The following NARS2 variants were observed in gnomAD, a reference collection of about 807,000 sequenced individuals.
NARS2 encodes asparaginyl-tRNA synthetase 2, mitochondrial, also known as asparaginyl-tRNA synthetase.
NARS2 carries 60 observed loss-of-function variants against 62.9 expected under a neutral mutation model. The ratio of observed to expected loss-of-function variants is 0.95; its 90% CI spans 0.77 to 1.18. NARS2 has a LOEUF of 1.18. Ranked by LOEUF, NARS2 falls within the 50% of genes most tolerant of loss-of-function variation. The probability of loss-of-function intolerance (pLI) is 0.00; values close to 1 mark genes in which losing one functional copy is unlikely to be tolerated. For synonymous variants in NARS2, 196 were observed against 200.0 expected (o/e 0.98, Z 0.17); for missense variants, 619 against 576.4 (o/e 1.07, Z -0.76).
intron 5 of NARS2, among the ~76,000 whole-genome samples, chr11:78,546,919 C>T (rs1855899796): frequency 6.6e-6 from 1 of 152,206 alleles, no homozygotes; most frequent in Non-Finnish European, 1.5e-5. Flanking sequence ...TGAAGCACTA[C>T]TTGATGCAAC....
intron 6 of NARS2, among the ~76,000 whole-genome samples, chr11:78,519,061 CA>C (rs1256176866): frequency 2.0e-5 from 3 of 151,994 alleles, no homozygotes; most frequent in Admixed American, 2.0e-4. Context: ...TATAAATGAA[CA>C]AAATTCAGTA....
At chr11:78,564,370 T>C (rs1190797851) in intron 4 of NARS2, among the ~76,000 whole-genome samples, 5 of 152,084 alleles carry the variant, frequency 3.3e-5, no homozygotes, top group Admixed American at 6.5e-5. Flanking sequence ...TAATTATTTT[T>C]ACTAGAGACC....
intron 2 of NARS2, among the ~76,000 whole-genome samples, chr11:78,569,942 ACC>A: frequency 6.6e-6 from 1 of 152,136 alleles, no homozygotes; most frequent in Non-Finnish European, 1.5e-5. Context: ...TAATCCCAGC[ACC>A]TTGGGAGGCT....
rs140178215 is a variant in NARS2, at chr11:78,511,129, G to T, written c.689+17713C>A. On this transcript the variant is annotated intron_variant, in intron 6 of 13. Transcript: ENST00000281038. ...GTCTTATTCTATTGCTCAGGCTTCA[G>T]TGAAGTGATACAATCATGGTTCACT... Among the ~76,000 whole-genome samples, 71 of 152,252 alleles carry T rather than the reference G, an allele frequency of 4.7e-4. 1 individual carries two copies. In the East Asian group the frequency reaches 0.013, roughly 27 times the overall value.
At chr11:78,458,740 G>A (rs975723213) in intron 11 of NARS2, among the ~76,000 whole-genome samples, 2 of 152,122 alleles carry the variant, frequency 1.3e-5, no homozygotes, top group South Asian at 4.1e-4. Flanking sequence ...GGAATATACC[G>A]ATGAATGAAA....
intron 5 of NARS2, among the ~76,000 whole-genome samples, chr11:78,550,887 C>A (rs1856076195): frequency 6.6e-6 from 1 of 152,072 alleles, no homozygotes; most frequent in African/African-American, 2.4e-5. Flanking sequence ...ATGATACATC[C>A]ACAAAAGGGA....
At chr11:78,443,612 G>A (rs376341669) in intron 12 of NARS2, 49 bp downstream of exon 12, 183 of 1,374,672 alleles carry the variant, frequency 1.3e-4, no homozygotes, top group Non-Finnish European at 1.7e-4. Flanking sequence ...ACCTTTGAGC[G>A]CCTTATGCTC....
chr11:78,482,946 T>C (rs1419159461), intron 7 of NARS2, among the ~76,000 whole-genome samples: 3 of 152,052 alleles, frequency 2.0e-5, no homozygotes, highest in African/African-American at 4.8e-5. Flanking sequence ...AAAAAGAAAA[T>C]TTCAGGCCAA....
At chr11:78,555,425 A>C (rs1431130075) in intron 5 of NARS2, 1 of 152,178 alleles carries the variant, frequency 6.6e-6, no homozygotes, top group Non-Finnish European at 1.5e-5. Context: ...TGGTCTGTTC[A>C]GAGAATCAAT....
intron 5 of NARS2, among the ~76,000 whole-genome samples, chr11:78,551,598 C>T (rs1856117629): frequency 6.6e-6 from 1 of 152,058 alleles, no homozygotes; most frequent in African/African-American, 2.4e-5. Context: ...TGCCTGTAAT[C>T]CCAGCACTTT....
intron 5 of NARS2, among the ~76,000 whole-genome samples, chr11:78,549,789 ATTGTGGGC>A (rs1856026181): frequency 6.7e-6 from 1 of 150,270 alleles, no homozygotes; most frequent in Non-Finnish European, 1.5e-5. Flanking sequence ...TGCCATCCTT[ATTGTGGGC>A]ATACTCAAGG....
At chr11:78,455,068 T>C (rs907129611) in intron 11 of NARS2, among the ~76,000 whole-genome samples, 8 of 152,332 alleles carry the variant, frequency 5.3e-5, no homozygotes, top group African/African-American at 1.9e-4. Context: ...AGTCCCATAA[T>C]TATCTTATGT....
intron 11 of NARS2, among the ~76,000 whole-genome samples, chr11:78,455,982 T>C (rs1858148446): frequency 6.6e-6 from 1 of 152,154 alleles, no homozygotes; most frequent in South Asian, 2.1e-4. Context: ...AAAAATTTAA[T>C]CTTTGTTAAT....
rs1408598784 is a variant in NARS2 at position 78,574,533 on chromosome 11, G to A, written c.-45C>T. 2 of 1,546,012 alleles carry A rather than the reference G, an allele frequency of 1.3e-6. No homozygotes were observed. The highest frequency in any genetic ancestry group is 1.7e-6 in the Non-Finnish European group (2 of 1,148,708). ...TCCGCGGGAGCAGCCCAGACCCCAC[G>A]GTTCGAACCCCGCCTGCAGCGGCCC... On this transcript the variant is annotated 5_prime_UTR_variant, in exon 1 of 14. Coordinates refer to ENST00000281038, the MANE Select transcript of NARS2 (RefSeq NM_024678.6).
At chr11:78,550,989 G>A (rs544815676) in intron 5 of NARS2, among the ~76,000 whole-genome samples, 1 of 152,176 alleles carries the variant, frequency 6.6e-6, no homozygotes, top group Non-Finnish European at 1.5e-5. Context: ...TACATTGTAC[G>A]ATTCCATTTA....
At chr11:78,475,327 A>C (rs1034912822) in intron 9 of NARS2, among the ~76,000 whole-genome samples, 5 of 152,180 alleles carry the variant, frequency 3.3e-5, no homozygotes, top group African/African-American at 1.2e-4. Context: ...ACTTAGGTTG[A>C]TTCCATATCT....
chr11:78,574,248 G>T, intron 1 of NARS2, 100 bp downstream of exon 1: 1 of 1,479,438 alleles, frequency 6.8e-7, no homozygotes, highest in South Asian at 1.1e-5. Context: ...TTTCCCTGCT[G>T]GCGGTTGTGT....
intron 11 of NARS2, among the ~76,000 whole-genome samples, chr11:78,458,329 T>C (rs1858248925): frequency 6.6e-6 from 1 of 152,224 alleles, no homozygotes; most frequent in African/African-American, 2.4e-5. Context: ...ACCTATTGAC[T>C]ACCTACTTCC....
chr11:78,551,653 C>A (rs1856120160), intron 5 of NARS2, among the ~76,000 whole-genome samples: 1 of 152,028 alleles, frequency 6.6e-6, no homozygotes, highest in African/African-American at 2.4e-5. Context: ...GAGTTTGAGA[C>A]CAGCCTGGTC....
Sources: allele counts gnomAD v4.1 joint callset (sites outside exome capture counted in the v4.1 genomes callset), GRCh38; gene constraint gnomAD v4.1.1; transcripts MANE v1.5; gene names NCBI Gene and HGNC (gene_info 2026-07-23, HGNC 2026-07-21).